Variants in PTTG1IP2 observed in about 807,000 individuals in gnomAD.
PTTG1IP2 encodes the protein PTTG1IP family member 2.
At chr7:90,497,742 A>AAAAAAAAAAAAAAAAAGAAG (rs1554407474) in intron 6 of PTTG1IP2, among the ~76,000 whole-genome samples, 1 of 135,616 alleles carries the variant, frequency 7.4e-6, no homozygotes, top group Non-Finnish European at 1.5e-5. Context: ...AAAAAAAAAA[A>AAAAAAAAAAAAAAAAAGAAG]AAGAAGAAGA....
At chr7:90,478,096 CA>C (rs370035849) in intron 1 of PTTG1IP2, among the ~76,000 whole-genome samples, 5,781 of 67,966 alleles carry the variant, frequency 0.085, 159 homozygotes, top group African/African-American at 0.21. Context: ...GACTCCGTCT[CA>C]AAAAAAAAAA....
At chr7:90,504,553 T>C (rs921579255) in intron 6 of PTTG1IP2, among the ~76,000 whole-genome samples, 2 of 152,166 alleles carry the variant, frequency 1.3e-5, no homozygotes, top group Admixed American at 6.5e-5. Flanking sequence ...TAAATGAATG[T>C]ATGTGGCTGT....
chr7:90,489,340 C>G (rs544081393), intron 4 of PTTG1IP2, among the ~76,000 whole-genome samples: 7 of 151,706 alleles, frequency 4.6e-5, no homozygotes, highest in African/African-American at 1.7e-4. Context: ...TTGCACTATA[C>G]ACATTTTTTT....
chr7:90,484,352 G>A (rs1165996155), intron 2 of PTTG1IP2, among the ~76,000 whole-genome samples: 1 of 151,876 alleles, frequency 6.6e-6, no homozygotes, highest in Non-Finnish European at 1.5e-5. Flanking sequence ...TGATTTTAAT[G>A]ATATTTTTAT....
intron 6 of PTTG1IP2, among the ~76,000 whole-genome samples, chr7:90,507,208 A>G (rs369556237): frequency 2.0e-5 from 3 of 152,204 alleles, no homozygotes; most frequent in Non-Finnish European, 4.4e-5. Flanking sequence ...CTGTAAGTGT[A>G]TGTAGTGATG....
chr7:90,511,925 C>T (rs1367529560), intron 6 of PTTG1IP2, among the ~76,000 whole-genome samples: 2 of 152,180 alleles, frequency 1.3e-5, no homozygotes, highest in Non-Finnish European at 2.9e-5. Flanking sequence ...TTCCACTCAG[C>T]CTGGGCATTG....
intron 4 of PTTG1IP2, among the ~76,000 whole-genome samples, chr7:90,490,113 G>C (rs931112925): frequency 2.6e-5 from 4 of 151,872 alleles, no homozygotes; most frequent in Admixed American, 1.3e-4. Flanking sequence ...ACTGAATTAG[G>C]AGAATTTTGT....
chr7:90,504,160 C>A (rs1798097373), intron 6 of PTTG1IP2, among the ~76,000 whole-genome samples: 1 of 151,764 alleles, frequency 6.6e-6, no homozygotes, highest in Non-Finnish European at 1.5e-5. Context: ...ACTAAAAATA[C>A]AAAATAATTA....
intron 1 of PTTG1IP2, among the ~76,000 whole-genome samples, chr7:90,476,036 G>A (rs1006836166): frequency 1.3e-5 from 2 of 152,040 alleles, no homozygotes; most frequent in South Asian, 2.1e-4. Flanking sequence ...AGCCAGCTGT[G>A]CTCTAGAAGG....
intron 6 of PTTG1IP2, among the ~76,000 whole-genome samples, chr7:90,500,111 G>A: frequency 6.6e-6 from 1 of 151,998 alleles, no homozygotes. Flanking sequence ...CTACTTGGAG[G>A]CTGAGATGGG....
intron 6 of PTTG1IP2, among the ~76,000 whole-genome samples, chr7:90,498,748 T>C (rs1798026147): frequency 6.6e-6 from 1 of 152,252 alleles, no homozygotes; most frequent in African/African-American, 2.4e-5. Flanking sequence ...AATACCATAA[T>C]GTTTTAATTG....
At chr7:90,474,833 C>T (rs1441704663) in intron 1 of PTTG1IP2, among the ~76,000 whole-genome samples, 2 of 152,048 alleles carry the variant, frequency 1.3e-5, no homozygotes, top group Non-Finnish European at 2.9e-5. Context: ...AAGAAAAGAA[C>T]CAATTTATTA....
At chr7:90,472,718 G>C (rs1797705745) in intron 1 of PTTG1IP2, among the ~76,000 whole-genome samples, 1 of 152,094 alleles carries the variant, frequency 6.6e-6, no homozygotes, top group African/African-American at 2.4e-5. Flanking sequence ...AAACTTCTCA[G>C]CCTCTTTCAT....
chr7:90,509,353 C>T (rs1216814208), intron 6 of PTTG1IP2, among the ~76,000 whole-genome samples: 1 of 152,006 alleles, frequency 6.6e-6, no homozygotes, highest in Non-Finnish European at 1.5e-5. Flanking sequence ...GAATGACATT[C>T]AAGTTAGAAT....
At chr7:90,507,611 T>G (rs1798138584) in intron 6 of PTTG1IP2, among the ~76,000 whole-genome samples, 1 of 152,132 alleles carries the variant, frequency 6.6e-6, no homozygotes, top group African/African-American at 2.4e-5. Context: ...TAGAAGGAGC[T>G]CAATCTCAGG....
At chr7:90,481,532 A>G (rs886233475) in intron 2 of PTTG1IP2, among the ~76,000 whole-genome samples, 2 of 152,126 alleles carry the variant, frequency 1.3e-5, no homozygotes, top group African/African-American at 4.8e-5. Flanking sequence ...CATCAATATC[A>G]ACAGATGTAT....
Position 90,474,976 on chromosome 7 carries a change from G to A in PTTG1IP2, c.146-4252G>A, listed in dbSNP as rs144194739. On this transcript the variant is annotated intron_variant, in intron 1 of 6. Transcript: ENST00000509356. ...ATTGGCTTGCCACAACTCCAAAGGT[G>A]CTAAAAGTAGACAGTGAGACTCAAT... is the stretch of plus-strand genomic sequence containing the variant. Among the ~76,000 whole-genome samples, 9 of 152,306 alleles carry A rather than the reference G, an allele frequency of 5.9e-5. No homozygotes were observed. The East Asian group carries it at 1.2e-3, about 20-fold the overall frequency.
chr7:90,500,130 C>T (rs535206766), intron 6 of PTTG1IP2, among the ~76,000 whole-genome samples: 2 of 152,104 alleles, frequency 1.3e-5, no homozygotes, highest in East Asian at 2.0e-4. Flanking sequence ...GGAGGATCAC[C>T]TGAGCCTGGG....
At chr7:90,470,963 C>CAAAA (rs5885726) in intron 1 of PTTG1IP2, among the ~76,000 whole-genome samples, 1 of 108,112 alleles carries the variant, frequency 9.2e-6, no homozygotes, top group Non-Finnish European at 2.0e-5. Context: ...TGATGAAGAA[C>CAAAA]AAAAAAAAAA....
Sources: allele counts gnomAD v4.1 joint callset (sites outside exome capture counted in the v4.1 genomes callset), GRCh38; gene constraint gnomAD v4.1.1; transcripts MANE v1.5; gene names NCBI Gene and HGNC (gene_info 2026-07-23, HGNC 2026-07-21).